Variants in SLC25A48 observed in about 807,000 individuals in gnomAD.
SLC25A48 encodes the protein CTC-321K16.1.
In SLC25A48, 29 loss-of-function variants were observed where a neutral mutation model predicts 32.2. That is an observed-to-expected ratio of 0.90 (90% CI 0.67 to 1.23). The LOEUF is 1.23. SLC25A48 is among the 50% of genes most tolerant of loss of function. The probability of loss-of-function intolerance (pLI) is 0.00; values close to 1 mark genes in which losing one functional copy is unlikely to be tolerated. For synonymous variants in SLC25A48, 164 were observed against 172.3 expected (o/e 0.95, Z 0.38); for missense variants, 399 against 422.7 (o/e 0.94, Z 0.49).
chr5:135,584,252 C>G (rs1751308174), intron 1 of SLC25A48, among the ~76,000 whole-genome samples: 1 of 152,242 alleles, frequency 6.6e-6, no homozygotes, highest in Non-Finnish European at 1.5e-5. Context: ...CACTCCCTTA[C>G]AGGCAAGCAT....
At chr5:135,745,265 G>T (rs1445952006) in intron 3 of SLC25A48, among the ~76,000 whole-genome samples, 1 of 152,216 alleles carries the variant, frequency 6.6e-6, no homozygotes, top group Non-Finnish European at 1.5e-5. Context: ...ACAGGCTCTG[G>T]CTTGTTATCT....
intron 3 of SLC25A48, among the ~76,000 whole-genome samples, chr5:135,699,376 G>T (rs76513745): frequency 0.034 from 5,063 of 147,874 alleles, 293 homozygotes; most frequent in African/African-American, 0.12. Flanking sequence ...CAACAATATG[G>T]ATGAATCCCC....
chr5:135,713,717 TCC>T (rs1325351986), intron 3 of SLC25A48, among the ~76,000 whole-genome samples: 1 of 152,128 alleles, frequency 6.6e-6, no homozygotes, highest in African/African-American at 2.4e-5. Context: ...TGTTCCTCCC[TCC>T]CCCATCATAT....
At chr5:135,828,838 C>A (rs1280716333) in intron 4 of SLC25A48, among the ~76,000 whole-genome samples, 2 of 152,230 alleles carry the variant, frequency 1.3e-5, no homozygotes, top group African/African-American at 4.8e-5. Flanking sequence ...CCTCCTACAG[C>A]CATGGGGGCT....
intron 4 of SLC25A48, among the ~76,000 whole-genome samples, chr5:135,823,662 G>C (rs1205956005): frequency 6.6e-6 from 1 of 152,222 alleles, no homozygotes; most frequent in Non-Finnish European, 1.5e-5. Context: ...AAACCACACA[G>C]TCAAATATTT....
intron 2 of SLC25A48, 109 bp downstream of exon 2, chr5:135,842,568 C>A: frequency 5.1e-6 from 6 of 1,187,220 alleles, no homozygotes; most frequent in Non-Finnish European, 7.4e-6. Context: ...CTGCCCAGGG[C>A]AGACTCTCTG....
intron 3 of SLC25A48, chr5:135,654,042 G>A: frequency 2.5e-6 from 1 of 393,978 alleles, no homozygotes; most frequent in South Asian, 1.8e-5. Context: ...GAGAGCCACA[G>A]CCTGCTTATG....
intron 3 of SLC25A48, among the ~76,000 whole-genome samples, chr5:135,641,182 C>T (rs565444191): frequency 1.2e-3 from 183 of 152,112 alleles, no homozygotes; most frequent in Non-Finnish European, 1.9e-3. Flanking sequence ...TGGCTTGGGA[C>T]GTGTTAAGTC....
chr5:135,874,107 G>C lies in SLC25A48; in HGVS notation c.766G>C (p.Gly256Arg), dbSNP rs370361654. The C allele has an allele frequency of 2.0e-6, 3 of 1,518,734 alleles. No homozygotes were observed. Among genetic ancestry groups the C allele is most frequent in the East Asian group, 4.9e-5 (2 of 40,626 alleles). The allele number at this position is 1,518,734 out of a possible 1,614,324, so 94.1% of individuals were successfully genotyped here. The change falls in exon 6 of 8, where the codon GGT becomes CGT. Residue 256 changes from glycine (G) to arginine (R), a missense_variant. Coordinates refer to ENST00000681962, the MANE Select transcript of SLC25A48 (RefSeq NM_001349336.2). The part of the protein sequence containing the change: ...ADGVYLNKYK[G>R]VLDCISQSYQ... Reference sequence around the variant, plus strand: ...TGGGGTTTATTTAAACAAATATAAAGGTGTCCTGGACTGTATCTCCCAGAG... The same window carrying C: ...TGGGGTTTATTTAAACAAATATAAACGTGTCCTGGACTGTATCTCCCAGAG...
chr5:135,707,676 T>C (rs1754552200), intron 3 of SLC25A48, among the ~76,000 whole-genome samples: 1 of 152,088 alleles, frequency 6.6e-6, no homozygotes, highest in Non-Finnish European at 1.5e-5. Flanking sequence ...AGAGGCCACC[T>C]GTGACCCCCT....
chr5:135,816,863 CT>C (rs1239825152), intron 4 of SLC25A48, among the ~76,000 whole-genome samples: 1 of 152,138 alleles, frequency 6.6e-6, no homozygotes, highest in Admixed American at 6.5e-5. Flanking sequence ...TGAAGGCATT[CT>C]TTAGAATGTA....
rs924377398 is a variant in SLC25A48 at position 135,728,392 on chromosome 5, C to A, written c.-520-84131C>A. 2.6e-5 allele frequency among the ~76,000 whole-genome samples: 4 copies of A among 152,094 alleles called. No individual in the cohort carries two copies. The East Asian group carries it at 7.7e-4, about 29-fold the overall frequency. ...CAGTGTATACAACCTATATAGACTGCTTTATAATCATCTTTCACCCAACAA... is the reference window on the plus strand; with the variant it reads ...CAGTGTATACAACCTATATAGACTGATTTATAATCATCTTTCACCCAACAA... On this transcript the variant is annotated intron_variant, in intron 3 of 10. Transcript: ENST00000646290.
At position 135,604,367 on chromosome 5, in the gene SLC25A48, C is replaced by T. The variant is rs368130267; in HGVS notation, c.-849+24770C>T. Among the ~76,000 whole-genome samples the T allele has an allele frequency of 5.3e-5, 8 of 152,198 alleles. No individual in the cohort carries two copies. The East Asian group carries it at 5.8e-4, about 11-fold the overall frequency. On this transcript the variant is annotated intron_variant, in intron 1 of 10. Transcript: ENST00000646290. ...TCCTTAATCCTCACAGACATCCTGT[C>T]GGGCAGGTATAAGTGCCCCATTTTA...
chr5:135,796,111 C>T (rs544474624), intron 3 of SLC25A48, among the ~76,000 whole-genome samples: 43 of 150,576 alleles, frequency 2.9e-4, no homozygotes, highest in South Asian at 1.9e-3. Context: ...TACAGCCCCC[C>T]TGATATGTTT....
intron 1 of SLC25A48, among the ~76,000 whole-genome samples, chr5:135,623,742 T>C (rs1177101907): frequency 1.3e-5 from 2 of 152,228 alleles, no homozygotes; most frequent in Non-Finnish European, 2.9e-5. Flanking sequence ...TTTATCATGA[T>C]TGTGGCCTTT....
At chr5:135,651,057 A>C (rs1753099217) in intron 3 of SLC25A48, among the ~76,000 whole-genome samples, 1 of 151,758 alleles carries the variant, frequency 6.6e-6, no homozygotes. Context: ...CTTTGTAAAT[A>C]TTTTTCCCTT....
chr5:135,628,565 G>A (rs1752489234), intron 1 of SLC25A48, among the ~76,000 whole-genome samples: 2 of 152,146 alleles, frequency 1.3e-5, no homozygotes, highest in Non-Finnish European at 2.9e-5. Context: ...ATCTGGATTA[G>A]TGTAAGGCAG....
At chr5:135,759,467 C>CT (rs1230020153) in intron 3 of SLC25A48, among the ~76,000 whole-genome samples, 11 of 152,148 alleles carry the variant, frequency 7.2e-5, no homozygotes, top group Admixed American at 7.2e-4. Context: ...CGTGCAATTT[C>CT]TTTAAGTCAA....
intron 3 of SLC25A48, among the ~76,000 whole-genome samples, chr5:135,719,091 C>T (rs1754885493): frequency 6.6e-6 from 1 of 152,196 alleles, no homozygotes; most frequent in Admixed American, 6.5e-5. Context: ...GTAAAGGGTA[C>T]ACAGGATTTC....
Sources: gnomAD v4.1 joint callset for allele counts (sites outside exome capture counted in the v4.1 genomes callset) on GRCh38, gnomAD v4.1.1 for gene constraint, MANE v1.5 for transcripts, NCBI Gene and HGNC (gene_info 2026-07-23, HGNC 2026-07-21) for gene names.